Variants in PRKAR2B observed in about 807,000 individuals in gnomAD.
PRKAR2B encodes the protein protein kinase cAMP-dependent type II regulatory subunit beta, also known as cAMP-dependent protein kinase type II-beta regulatory subunit.
In PRKAR2B, 14 loss-of-function variants were observed where a neutral mutation model predicts 49.9. The ratio of observed to expected loss-of-function variants is 0.28; its 90% CI spans 0.19 to 0.44. PRKAR2B has a LOEUF of 0.44. Among genes scored for constraint, PRKAR2B ranks in the 20% least tolerant of loss-of-function variants. The pLI is 1.00. For missense variants in PRKAR2B, 393 were observed against 537.9 expected (o/e 0.73, Z 2.67); for synonymous variants, 196 against 197.7 (o/e 0.99, Z 0.07).
chr7:107,118,908 T>C (rs769621109), intron 2 of PRKAR2B, among the ~76,000 whole-genome samples: 1 of 152,176 alleles, frequency 6.6e-6, no homozygotes, highest in African/African-American at 2.4e-5. Context: ...TGAATTCTAA[T>C]GTAGTGAAAC....
rs1420862972 is a variant in PRKAR2B, at chr7:107,045,146, C to T, written c.239C>T (p.Pro80Leu). 2 of 1,510,824 alleles carry T rather than the reference C, an allele frequency of 1.3e-6. No homozygotes were observed. The highest frequency in any genetic ancestry group is 8.8e-7 in the Non-Finnish European group (1 of 1,131,470). The allele number at this position is 1,510,824 out of a possible 1,614,324, so 93.6% of individuals were successfully genotyped here. A position where few individuals can be genotyped will look rare whatever the true frequency, so the allele number is the denominator to read the frequency against. Residue 80 changes from proline to leucine, a missense_variant, in exon 1 of 11, where the codon CCC (proline) becomes CTC (leucine). By Grantham distance (98) the Pro-to-Leu change is moderately conservative. This residue lies in a region of PRKAR2B where 160 missense variants were observed against 147.6 expected (regional missense o/e 1.08). Transcript: ENST00000265717. ...PSKGVNFAEEPMQSDSEDGEE... is the reference protein window; with the variant it reads ...PSKGVNFAEELMQSDSEDGEE... ...AAGGGGGTCAACTTCGCCGAGGAGC[C>T]CATGCAGTCCGACTCCGAGGACGGG...
intron 1 of PRKAR2B, among the ~76,000 whole-genome samples, chr7:107,052,074 GATTCGGCTGTTTCGTTCTCATTATT>G (rs2116748274): frequency 6.6e-6 from 1 of 152,298 alleles, no homozygotes; most frequent in East Asian, 1.9e-4. Context: ...ATTAAAACAT[GATTCGGCTGTTTCGTTCTCATTATT>G]ATAGAAAACT....
intron 2 of PRKAR2B, among the ~76,000 whole-genome samples, chr7:107,113,079 G>C (rs145425872): frequency 1.3e-5 from 2 of 152,080 alleles, no homozygotes; most frequent in African/African-American, 4.8e-5. Context: ...GAAGGATTCC[G>C]TAATATTTCT....
At chr7:107,073,184 C>T (rs1794317168) in intron 2 of PRKAR2B, among the ~76,000 whole-genome samples, 1 of 152,128 alleles carries the variant, frequency 6.6e-6, no homozygotes, top group Non-Finnish European at 1.5e-5. Context: ...ATAATTTAAA[C>T]AAAACATTTC....
At chr7:107,112,431 TAAA>T (rs1229360440) in intron 2 of PRKAR2B, among the ~76,000 whole-genome samples, 3 of 151,972 alleles carry the variant, frequency 2.0e-5, no homozygotes, top group East Asian at 1.9e-4. Context: ...AAATGAAAGT[TAAA>T]AAAGAAGAAA....
chr7:107,112,981 T>A (rs1405188851), intron 2 of PRKAR2B, among the ~76,000 whole-genome samples: 1 of 152,198 alleles, frequency 6.6e-6, no homozygotes, highest in Non-Finnish European at 1.5e-5. Flanking sequence ...TATTTTCTTA[T>A]AATTATGGCT....
intron 2 of PRKAR2B, among the ~76,000 whole-genome samples, chr7:107,119,281 C>T (rs183899140): frequency 7.9e-5 from 12 of 152,322 alleles, no homozygotes; most frequent in East Asian, 3.9e-4. Context: ...GCCTACTGCA[C>T]CACCTCGTTG....
chr7:107,115,548 T>A (rs776423150), intron 2 of PRKAR2B, among the ~76,000 whole-genome samples: 2 of 152,188 alleles, frequency 1.3e-5, no homozygotes, highest in Non-Finnish European at 2.9e-5. Context: ...TGTTCAGAGT[T>A]TATGAGACAG....
intron 1 of PRKAR2B, among the ~76,000 whole-genome samples, chr7:107,063,863 G>T (rs1794076368): frequency 6.6e-6 from 1 of 152,128 alleles, no homozygotes; most frequent in African/African-American, 2.4e-5. Flanking sequence ...ACTCTTTGCA[G>T]CTTCCAGCTT....
intron 6 of PRKAR2B, among the ~76,000 whole-genome samples, chr7:107,150,441 A>G (rs2115663740): frequency 6.6e-6 from 1 of 152,324 alleles, no homozygotes; most frequent in Non-Finnish European, 1.5e-5. Flanking sequence ...CATACAATAT[A>G]TAATGATCAC....
At chr7:107,099,410 T>C (rs996723190) in intron 2 of PRKAR2B, among the ~76,000 whole-genome samples, 5 of 152,166 alleles carry the variant, frequency 3.3e-5, no homozygotes, top group African/African-American at 4.8e-5. Flanking sequence ...CCAGATACTG[T>C]CTGTCATGGC....
At chr7:107,123,296 A>C (rs1795421478) in intron 3 of PRKAR2B, among the ~76,000 whole-genome samples, 1 of 152,214 alleles carries the variant, frequency 6.6e-6, no homozygotes, top group Admixed American at 6.5e-5. Context: ...CATTTAATTG[A>C]TGAGGTAAAT....
chr7:107,056,120 A>G (rs577861068), intron 1 of PRKAR2B, among the ~76,000 whole-genome samples: 6 of 152,246 alleles, frequency 3.9e-5, no homozygotes, highest in Non-Finnish European at 5.9e-5. Flanking sequence ...AAGATCAGAT[A>G]GTTGTAGATA....
intron 2 of PRKAR2B, among the ~76,000 whole-genome samples, chr7:107,108,395 A>T (rs1795116000): frequency 6.6e-6 from 1 of 152,262 alleles, no homozygotes; most frequent in Non-Finnish European, 1.5e-5. Context: ...ACAGCCATTT[A>T]TTAGAGACTA....
At chr7:107,151,973 A>G (rs1475462303) in intron 7 of PRKAR2B, among the ~76,000 whole-genome samples, 1 of 152,226 alleles carries the variant, frequency 6.6e-6, no homozygotes, top group Non-Finnish European at 1.5e-5. Context: ...CTTGAAGGTC[A>G]GACTTACTTA....
chr7:107,075,101 T>A (rs1335719605), intron 2 of PRKAR2B, among the ~76,000 whole-genome samples: 1 of 151,940 alleles, frequency 6.6e-6, no homozygotes, highest in African/African-American at 2.4e-5. Context: ...TTTTTATTAT[T>A]TTTAAATTTT....
At position 107,095,190 on chromosome 7, in the gene PRKAR2B, G is replaced by A. The variant is rs201279043; in HGVS notation, c.343+24874G>A. 2.0e-5 allele frequency among the ~76,000 whole-genome samples: 3 copies of A among 152,096 alleles called. No individual in the cohort carries two copies. The East Asian group carries it at 5.8e-4, about 29-fold the overall frequency. ...GTCCTCTTTTATTTCGTTGAGCAGTGGTTTGTAGTTCTCCTTGAAGAAGTC... is the reference window on the plus strand; with the variant it reads ...GTCCTCTTTTATTTCGTTGAGCAGTAGTTTGTAGTTCTCCTTGAAGAAGTC... On this transcript the variant is annotated intron_variant, in intron 2 of 10. Transcript: ENST00000265717.
intron 4 of PRKAR2B, chr7:107,133,680 G>A (rs990892248): frequency 2.6e-5 from 4 of 152,150 alleles, no homozygotes; most frequent in Admixed American, 6.5e-5. Context: ...AGGAGGGGAC[G>A]AAAACTGCTT....
At chr7:107,152,242 C>T (rs1374972267) in intron 7 of PRKAR2B, among the ~76,000 whole-genome samples, 1 of 152,208 alleles carries the variant, frequency 6.6e-6, no homozygotes, top group Non-Finnish European at 1.5e-5. Flanking sequence ...CTCTAAGGCT[C>T]TGCACAGACT....
Sources: allele counts gnomAD v4.1 joint callset (sites outside exome capture counted in the v4.1 genomes callset), GRCh38; gene constraint gnomAD v4.1.1; regional missense constraint gnomAD v4.1.1; transcripts MANE v1.5; gene names NCBI Gene and HGNC (gene_info 2026-07-23, HGNC 2026-07-21).